The following FBXL17 variants were observed in gnomAD, a reference collection of about 807,000 sequenced individuals.
FBXL17 encodes the protein F-box and leucine rich repeat protein 17.
Under a neutral mutation model 66.2 loss-of-function variants are expected in FBXL17, and 22 were observed. The ratio of observed to expected loss-of-function variants is 0.33; its 90% CI spans 0.24 to 0.47. FBXL17 has a LOEUF of 0.47. Ranked by LOEUF, FBXL17 falls within the 20% of genes least tolerant of loss-of-function variation. The pLI is 1.00. For synonymous variants in FBXL17, 474 were observed against 400.5 expected (o/e 1.18, Z -2.19); for missense variants, 878 against 948.2 (o/e 0.93, Z 0.97).
chr5:108,323,519 C>G (rs962485020), intron 4 of FBXL17, among the ~76,000 whole-genome samples: 1 of 151,894 alleles, frequency 6.6e-6, no homozygotes, highest in Non-Finnish European at 1.5e-5. Flanking sequence ...AATGTCTATA[C>G]TACTCATTGC....
intron 6 of FBXL17, among the ~76,000 whole-genome samples, chr5:108,048,197 C>A (rs749945490): frequency 1.3e-5 from 2 of 152,124 alleles, no homozygotes; most frequent in Non-Finnish European, 2.9e-5. Context: ...ACTGAAGCAG[C>A]CCTACAGGAG....
chr5:107,954,938 C>T (rs1177158112), intron 7 of FBXL17, among the ~76,000 whole-genome samples: 3 of 152,038 alleles, frequency 2.0e-5, no homozygotes, highest in African/African-American at 7.2e-5. Context: ...GATTTACTTC[C>T]AAAGCCACCC....
chr5:108,344,620 C>T (rs541771149), intron 4 of FBXL17, among the ~76,000 whole-genome samples: 112 of 152,210 alleles, frequency 7.4e-4, no homozygotes, highest in Middle Eastern at 3.4e-3. Context: ...AAAACACTGG[C>T]CTATATAACA....
At chr5:108,130,486 G>A (rs34429) in intron 6 of FBXL17, among the ~76,000 whole-genome samples, 99,515 of 151,782 alleles carry the variant, frequency 0.66, 33,577 homozygotes, top group East Asian at 0.92. Flanking sequence ...ATACAATTCA[G>A]TTTAAATGAA....
Position 108,224,153 on chromosome 5 carries a change from C to A in FBXL17, c.1582G>T (p.Val528Phe). The change falls in exon 5 of 9, where the codon GTC becomes TTC. Residue 528 changes from valine (V) to phenylalanine (F), a missense_variant. Physicochemically the swap from Val to Phe is conservative, Grantham distance 50. This residue lies in a region of FBXL17 where 236 missense variants were observed against 389.1 expected (regional missense o/e 0.61). Transcript: ENST00000542267. ...AGGTGAATGACTCCTTTAGAAGTGACTGAACAACCCATGAAGCCTACATAT... is the reference window on the plus strand; with the variant it reads ...AGGTGAATGACTCCTTTAGAAGTGAATGAACAACCCATGAAGCCTACATAT... ...LQYVGFMGCS[V>F]TSKGVIHLTK... is the part of the protein sequence containing the mutation. The A allele has an allele frequency of 1.2e-6, 2 of 1,611,064 alleles. No individual in the cohort carries two copies. Among genetic ancestry groups the A allele is most frequent in the Non-Finnish European group, 1.7e-6 (2 of 1,177,940 alleles).
chr5:108,241,847 A>G (rs191603900), intron 4 of FBXL17, among the ~76,000 whole-genome samples: 253 of 152,332 alleles, frequency 1.7e-3, no homozygotes, highest in Non-Finnish European at 2.4e-3. Flanking sequence ...TTTATGGGCC[A>G]GGAGAGAGTG....
chr5:108,058,678 T>G (rs534697997), intron 6 of FBXL17, among the ~76,000 whole-genome samples: 16 of 151,996 alleles, frequency 1.1e-4, no homozygotes, highest in Non-Finnish European at 2.2e-4. Flanking sequence ...AAAGACGGAG[T>G]TTCAGAAAGA....
chr5:107,877,582 G>C (rs1748651431), intron 8 of FBXL17, among the ~76,000 whole-genome samples: 1 of 152,130 alleles, frequency 6.6e-6, no homozygotes, highest in East Asian at 1.9e-4. Flanking sequence ...CATGCAACTA[G>C]AATGTTCTTT....
intron 5 of FBXL17, among the ~76,000 whole-genome samples, chr5:108,190,474 G>A (rs1753427478): frequency 6.6e-6 from 1 of 152,172 alleles, no homozygotes; most frequent in Non-Finnish European, 1.5e-5. Flanking sequence ...ATGGGAAGAT[G>A]GGTTTAATGG....
chr5:108,155,004 T>C (rs1342179464), intron 6 of FBXL17, among the ~76,000 whole-genome samples: 4 of 152,124 alleles, frequency 2.6e-5, no homozygotes, highest in Non-Finnish European at 5.9e-5. Context: ...CACTTTCCTC[T>C]AACTACCAGT....
intron 6 of FBXL17, among the ~76,000 whole-genome samples, chr5:108,096,812 A>G (rs910706789): frequency 6.6e-6 from 1 of 152,170 alleles, no homozygotes; most frequent in Non-Finnish European, 1.5e-5. Flanking sequence ...CCTCATAAGA[A>G]TGGATGAAAG....
At chr5:108,106,402 C>A (rs1474141324) in intron 6 of FBXL17, among the ~76,000 whole-genome samples, 1 of 152,190 alleles carries the variant, frequency 6.6e-6, no homozygotes, top group East Asian at 1.9e-4. Flanking sequence ...CCCAGCCATT[C>A]TACTCCTAGG....
chr5:108,364,744 G>A lies in FBXL17; in HGVS notation c.1368C>T (p.Leu456=). 1 of 1,604,826 alleles carries A rather than the reference G, an allele frequency of 6.2e-7. No homozygotes were observed. Among genetic ancestry groups the A allele is most frequent in the Non-Finnish European group, 8.5e-7 (1 of 1,173,958 alleles). Residue 456 remains leucine (L), a synonymous_variant, in exon 3 of 9, where the codon CTC becomes CTT. Coordinates refer to ENST00000542267, the MANE Select transcript of FBXL17 (RefSeq NM_001163315.3). ...GNQDKLTDEG[L]KQLGSKCREL... ...TATAAATGCTAAAATTTACCTGCTT[G>A]AGTCCTTCATCAGTGAGTTTGTCCT...
intron 4 of FBXL17, among the ~76,000 whole-genome samples, chr5:108,271,889 A>T (rs571564632): frequency 1.3e-5 from 2 of 152,278 alleles, no homozygotes; most frequent in South Asian, 4.1e-4. Context: ...CAGTTTCTTC[A>T]TCTATAAAAT....
At chr5:108,055,097 T>C (rs1200838462) in intron 6 of FBXL17, among the ~76,000 whole-genome samples, 3 of 151,992 alleles carry the variant, frequency 2.0e-5, no homozygotes, top group Admixed American at 2.0e-4. Flanking sequence ...TTTTTCATCT[T>C]CAATAAAATA....
At chr5:108,369,632 C>T (rs1197057153) in intron 1 of FBXL17, among the ~76,000 whole-genome samples, 2 of 150,862 alleles carry the variant, frequency 1.3e-5, no homozygotes, top group Non-Finnish European at 3.0e-5. Context: ...AAAATTATTC[C>T]AAAATAAAAT....
At chr5:108,046,605 C>T (rs187687026) in intron 6 of FBXL17, among the ~76,000 whole-genome samples, 489 of 152,140 alleles carry the variant, frequency 3.2e-3, no homozygotes, top group Non-Finnish European at 5.0e-3. Context: ...CTTTATATAA[C>T]TTTCTAAATG....
chr5:108,365,016 A>C (rs764120403), intron 2 of FBXL17, 21 bp from the exon 3 acceptor site: 7 of 1,561,640 alleles, frequency 4.5e-6, no homozygotes. Context: ...AAAAGCAATA[A>C]ATTTAAACTT....
chr5:108,082,482 T>A (rs1300016874), intron 6 of FBXL17, among the ~76,000 whole-genome samples: 1 of 152,258 alleles, frequency 6.6e-6, no homozygotes. Flanking sequence ...ATTGTTATTC[T>A]AAAAATTTCC....
Sources: allele counts gnomAD v4.1 joint callset (sites outside exome capture counted in the v4.1 genomes callset), GRCh38; gene constraint gnomAD v4.1.1; regional missense constraint gnomAD v4.1.1; transcripts MANE v1.5; gene names NCBI Gene and HGNC (gene_info 2026-07-23, HGNC 2026-07-21).